The following ACOXL variants were observed in gnomAD, a reference collection of about 807,000 sequenced individuals.
The protein encoded by ACOXL is acyl-CoA oxidase like.
In ACOXL, 70 loss-of-function variants were observed where a neutral mutation model predicts 71.9. The ratio of observed to expected loss-of-function variants is 0.97; its 90% CI spans 0.80 to 1.19. ACOXL has a LOEUF of 1.19. Among genes scored for constraint, ACOXL ranks in the 50% most tolerant of loss-of-function variants. ACOXL has a pLI of 0.00. For missense variants in ACOXL, 703 were observed against 736.3 expected, an observed-to-expected ratio of 0.95 and a Z score of 0.52; for synonymous variants, 253 against 281.6, an observed-to-expected ratio of 0.90 and a Z score of 1.02.
At chr2:111,069,969 T>C (rs1262498086) in intron 16 of ACOXL, among the ~76,000 whole-genome samples, 4 of 152,024 alleles carry the variant, frequency 2.6e-5, no homozygotes, top group African/African-American at 9.7e-5. Flanking sequence ...CCACAGGTGC[T>C]GCAGCCAGCC....
chr2:111,001,987 A>G (rs990289258), intron 14 of ACOXL, among the ~76,000 whole-genome samples: 2 of 152,132 alleles, frequency 1.3e-5, no homozygotes, highest in Non-Finnish European at 2.9e-5. Flanking sequence ...CCCACATTAT[A>G]TCGTTGAAAT....
chr2:110,829,085 A>G (rs190130906), intron 9 of ACOXL, among the ~76,000 whole-genome samples: 86 of 152,358 alleles, frequency 5.6e-4, no homozygotes, highest in Admixed American at 4.1e-3. Context: ...TGCTGGGATT[A>G]TAGGCGTGAG....
At chr2:110,835,350 C>G (rs1371796006) in intron 9 of ACOXL, among the ~76,000 whole-genome samples, 1 of 151,960 alleles carries the variant, frequency 6.6e-6, no homozygotes, top group Non-Finnish European at 1.5e-5. Flanking sequence ...GCTGCTTTTC[C>G]TCCTCTTCCC....
At chr2:111,043,706 G>C (rs981254648) in intron 15 of ACOXL, among the ~76,000 whole-genome samples, 1 of 152,190 alleles carries the variant, frequency 6.6e-6, no homozygotes, top group African/African-American at 2.4e-5. Context: ...GGAAGCCTCA[G>C]TAAGGGAGGT....
intron 9 of ACOXL, among the ~76,000 whole-genome samples, chr2:110,829,101 G>A (rs1050070673): frequency 2.0e-4 from 30 of 152,172 alleles, no homozygotes; most frequent in Admixed American, 1.5e-3. Context: ...GTGAGCCACC[G>A]TGCCCAGCCT....
At chr2:110,804,385 G>A (rs1259344008) in intron 8 of ACOXL, among the ~76,000 whole-genome samples, 1 of 152,170 alleles carries the variant, frequency 6.6e-6, no homozygotes, top group Non-Finnish European at 1.5e-5. Context: ...CTGCAAAATG[G>A]TGGCACCAAC....
At chr2:110,922,914 A>G (rs1406535099) in intron 11 of ACOXL, among the ~76,000 whole-genome samples, 1 of 152,216 alleles carries the variant, frequency 6.6e-6, no homozygotes, top group East Asian at 1.9e-4. Flanking sequence ...ATTGCCCCCA[A>G]GGACCTTCTA....
intron 10 of ACOXL, among the ~76,000 whole-genome samples, chr2:110,871,538 A>C (rs1193526448): frequency 6.6e-6 from 1 of 152,166 alleles, no homozygotes; most frequent in Non-Finnish European, 1.5e-5. Flanking sequence ...CCGTAATCTT[A>C]CTGGTTGGGG....
intron 15 of ACOXL, among the ~76,000 whole-genome samples, chr2:111,045,797 T>C (rs562705938): frequency 2.6e-5 from 4 of 152,216 alleles, no homozygotes; most frequent in Non-Finnish European, 5.9e-5. Flanking sequence ...GCCTCTGTTC[T>C]GAAGGTTGGT....
chr2:110,864,649 C>T (rs938141763), intron 10 of ACOXL, among the ~76,000 whole-genome samples: 2 of 152,226 alleles, frequency 1.3e-5, no homozygotes, highest in South Asian at 2.1e-4. Flanking sequence ...TTAGCCATGA[C>T]GGTCTCTCCC....
chr2:111,016,459 A>G (rs1197586007), intron 14 of ACOXL: 2 of 152,242 alleles, frequency 1.3e-5, no homozygotes, highest in African/African-American at 4.8e-5. Flanking sequence ...AACATTTACA[A>G]TTATAACTTA....
chr2:110,771,562 C>T (rs562990846), intron 2 of ACOXL, among the ~76,000 whole-genome samples: 6 of 152,202 alleles, frequency 3.9e-5, no homozygotes, highest in Non-Finnish European at 8.8e-5. Context: ...AAGAATAAAC[C>T]ATTAAAATAT....
intron 10 of ACOXL, among the ~76,000 whole-genome samples, chr2:110,880,435 A>G (rs910733004): frequency 6.6e-6 from 1 of 152,140 alleles, no homozygotes; most frequent in African/African-American, 2.4e-5. Context: ...TTATTGTGCC[A>G]TTGTTTAGAT....
At chr2:111,115,968 G>A (rs1251067003) in intron 17 of ACOXL, among the ~76,000 whole-genome samples, 1 of 151,900 alleles carries the variant, frequency 6.6e-6, no homozygotes, top group Non-Finnish European at 1.5e-5. Context: ...TCTGTTTTTG[G>A]CACCAGATAG....
At chr2:111,043,560 C>T (rs1362863439) in intron 15 of ACOXL, among the ~76,000 whole-genome samples, 2 of 152,098 alleles carry the variant, frequency 1.3e-5, no homozygotes, top group Admixed American at 6.5e-5. Flanking sequence ...CCTCGTGGTG[C>T]GGTCAGTGGA....
chr2:110,920,285 T>G (rs2060017966), intron 11 of ACOXL, among the ~76,000 whole-genome samples: 1 of 152,242 alleles, frequency 6.6e-6, no homozygotes, highest in South Asian at 2.1e-4. Context: ...GATAGTTGTC[T>G]CTAATAGTTT....
At chr2:110,927,387 C>T (rs950122172) in intron 11 of ACOXL, among the ~76,000 whole-genome samples, 3 of 152,208 alleles carry the variant, frequency 2.0e-5, no homozygotes, top group Non-Finnish European at 4.4e-5. Flanking sequence ...TGCCTTCCAC[C>T]TGCTGGGCCT....
intron 11 of ACOXL, among the ~76,000 whole-genome samples, chr2:110,912,744 G>A (rs57132489): frequency 0.078 from 11,809 of 152,112 alleles, 1,023 homozygotes; most frequent in African/African-American, 0.21. Flanking sequence ...AGAAAAAAGT[G>A]TATACATTGG....
intron 10 of ACOXL, among the ~76,000 whole-genome samples, chr2:110,877,835 G>T (rs1475732834): frequency 4.6e-5 from 7 of 152,214 alleles, no homozygotes; most frequent in Non-Finnish European, 8.8e-5. Context: ...TCACCCACTG[G>T]TAATAATGAC....
Sources: allele counts gnomAD v4.1 joint callset (sites outside exome capture counted in the v4.1 genomes callset), GRCh38; gene constraint gnomAD v4.1.1; transcripts MANE v1.5; gene names NCBI Gene and HGNC (gene_info 2026-07-23, HGNC 2026-07-21).